The following SDK2 variants were observed in gnomAD, a reference collection of about 807,000 sequenced individuals.
SDK2 encodes the protein protein sidekick-2.
In SDK2, 105 loss-of-function variants were observed where a neutral mutation model predicts 253.9. The ratio of observed to expected loss-of-function variants is 0.41; its 90% CI spans 0.35 to 0.49. The LOEUF is 0.49. SDK2 is among the 20% of genes least tolerant of loss of function. The pLI is 0.06. For synonymous variants in SDK2, 1,249 were observed against 1,234.9 expected, an observed-to-expected ratio of 1.01 and a Z score of -0.24; for missense variants, 2,608 against 3,003.0, an observed-to-expected ratio of 0.87 and a Z score of 3.07.
rs1016428184 is a variant in SDK2 at position 73,447,327 on chromosome 17, C to T, written c.613+288G>A. On this transcript the variant is annotated intron_variant, in intron 5 of 44. Coordinates refer to ENST00000392650, the MANE Select transcript of SDK2 (RefSeq NM_001144952.2). The surrounding 1 kb of genome is among the most constrained non-coding windows in gnomAD (Gnocchi z 4.0). ...ACGCTCTTCCTCTGCCCCACCCCTC[C>T]CTGGGTCCCTGGTAGCCCTGCTAAC... 6.6e-6 allele frequency among the ~76,000 whole-genome samples: 1 copy of T among 152,196 alleles called. No individual in the cohort carries two copies. The highest frequency in any genetic ancestry group is 6.5e-5 in the Admixed American group (1 of 15,290).
chr17:73,433,971 G>C, intron 9 of SDK2, 123 bp from the exon 10 acceptor site: 1 of 645,774 alleles, frequency 1.5e-6, no homozygotes, highest in Non-Finnish European at 2.7e-6. Context: ...ATGGTGAGGG[G>C]CCCTCCACGA....
chr17:73,401,041 TG>T lies in SDK2; in HGVS notation c.2949del (p.Ile984SerfsTer26). On this transcript the variant is annotated frameshift_variant, in exon 21 of 45. Coordinates refer to ENST00000392650, the MANE Select transcript of SDK2 (RefSeq NM_001144952.2). LOFTEE classifies it high-confidence loss of function. ...TTACCTGGGGGCACCCCAGAGGAGATGGTGGAGGCGGACACTTGGCCCTGGC... is the reference window on the plus strand; with the variant it reads ...TTACCTGGGGGCACCCCAGAGGAGATGTGGAGGCGGACACTTGGCCCTGGC... The part of the protein sequence containing the change: ...SKGQGQVSAS[T>X]ISSGVPPELP... 6.3e-7 allele frequency: 1 copy of T among 1,577,006 alleles called. No individual in the cohort carries two copies. The highest frequency in any genetic ancestry group is 8.6e-7 in the Non-Finnish European group (1 of 1,161,270).
At position 73,383,915 on chromosome 17, in the gene SDK2, C is replaced by T; in HGVS notation, c.4666G>A (p.Gly1556Ser). The T allele has an allele frequency of 6.2e-7, 1 of 1,613,976 alleles. No individual in the cohort carries two copies. The highest frequency in any genetic ancestry group is 8.5e-7 in the Non-Finnish European group (1 of 1,179,898). The change falls in exon 33 of 45, where the codon GGC (glycine) becomes AGC (serine). Residue 1556 changes from glycine to serine, a missense_variant. By Grantham distance (56) the Gly-to-Ser change is moderately conservative. Transcript: ENST00000392650. This position sits in a 1 kb window ranked among gnomAD's most constrained non-coding sequence, Gnocchi z 4.3. ...CATGTGGCCCCTGGGTTGTTGATGC[C>T]TCGAAGCGTGAAGCCCCTCAGTCCT... ...YEGLRGFTLR[G>S]INNPGATWAE... is the part of the protein sequence containing the mutation.
intron 1 of SDK2, among the ~76,000 whole-genome samples, chr17:73,632,357 C>A (rs1969198998): frequency 6.6e-6 from 1 of 152,226 alleles, no homozygotes; most frequent in Non-Finnish European, 1.5e-5. Context: ...AAGAATTTGA[C>A]TTGCTGAGTC....
chr17:73,375,875 GA>G (rs1568371410), intron 36 of SDK2, among the ~76,000 whole-genome samples: 6 of 126,230 alleles, frequency 4.8e-5, no homozygotes, highest in African/African-American at 1.7e-4. Context: ...AAGAAAGAAA[GA>G]AATAAAATAA....
intron 2 of SDK2, among the ~76,000 whole-genome samples, chr17:73,495,196 C>G (rs1207434563): frequency 6.6e-6 from 1 of 152,166 alleles, no homozygotes; most frequent in African/African-American, 2.4e-5. Flanking sequence ...GGACCCTGAC[C>G]CCATGTGCCA....
chr17:73,406,209 G>C (rs1290245603), intron 18 of SDK2, among the ~76,000 whole-genome samples: 1 of 151,026 alleles, frequency 6.6e-6, no homozygotes, highest in African/African-American at 2.4e-5. Flanking sequence ...TGAATCCACA[G>C]ATGTGGAATC....
chr17:73,569,946 CT>C (rs2045361002), intron 1 of SDK2, among the ~76,000 whole-genome samples: 1 of 152,160 alleles, frequency 6.6e-6, no homozygotes, highest in South Asian at 2.1e-4. Context: ...CGAGGAGCCT[CT>C]CTGCAGCAGG....
intron 1 of SDK2, among the ~76,000 whole-genome samples, chr17:73,560,203 C>T (rs1243209889): frequency 6.6e-6 from 1 of 152,238 alleles, no homozygotes; most frequent in Non-Finnish European, 1.5e-5. Context: ...CCAAAAACCA[C>T]AATAAATGAC....
chr17:73,403,923 T>A (rs1599530543), intron 18 of SDK2, among the ~76,000 whole-genome samples: 2 of 152,380 alleles, frequency 1.3e-5, no homozygotes, highest in South Asian at 4.1e-4. Context: ...TTAATTAATG[T>A]ACATTCAAAT....
intron 18 of SDK2, among the ~76,000 whole-genome samples, chr17:73,411,906 G>A (rs1349506203): frequency 7.0e-6 from 1 of 143,090 alleles, no homozygotes; most frequent in East Asian, 2.3e-4. Flanking sequence ...CGAGTAGCTG[G>A]GACTACAGGC....
Position 73,575,536 on chromosome 17 carries a change from T to A in SDK2, c.65-67939A>T, listed in dbSNP as rs74538872. On this transcript the variant is annotated intron_variant, in intron 1 of 44. Coordinates refer to ENST00000392650, the MANE Select transcript of SDK2 (RefSeq NM_001144952.2). ...GCACTATCTCTTGCTAGCCATGACCTGGGGGCAAAACACGTAATCTCTCCG... is the reference window on the plus strand; with the variant it reads ...GCACTATCTCTTGCTAGCCATGACCAGGGGGCAAAACACGTAATCTCTCCG... Among the ~76,000 whole-genome samples the A allele has an allele frequency of 2.8e-3, 422 of 152,326 alleles. 1 individual carries two copies. The highest frequency in any genetic ancestry group is 4.6e-3 in the Non-Finnish European group (315 of 68,036).
intron 1 of SDK2, among the ~76,000 whole-genome samples, chr17:73,584,101 C>T (rs2045572371): frequency 6.6e-6 from 1 of 152,230 alleles, no homozygotes; most frequent in Non-Finnish European, 1.5e-5. Flanking sequence ...GGAGAGCATG[C>T]CTCCAGCTCC....
intron 1 of SDK2, among the ~76,000 whole-genome samples, chr17:73,515,142 G>A (rs916250710): frequency 2.0e-5 from 3 of 152,294 alleles, no homozygotes; most frequent in African/African-American, 4.8e-5. Context: ...ATTTTAATAG[G>A]AGAAAACCAA....
At chr17:73,593,605 G>A (rs1273753737) in intron 1 of SDK2, among the ~76,000 whole-genome samples, 1 of 152,212 alleles carries the variant, frequency 6.6e-6, no homozygotes, top group Admixed American at 6.5e-5. Flanking sequence ...GGTACCTCAA[G>A]CTGAACCCCT....
chr17:73,367,415 C>A (rs1313590171), intron 37 of SDK2, among the ~76,000 whole-genome samples: 2 of 152,188 alleles, frequency 1.3e-5, no homozygotes, highest in African/African-American at 4.8e-5. Flanking sequence ...CCTCTCCAGC[C>A]CCTAGGCCTT....
At chr17:73,419,636 G>A (rs1323193752) in intron 15 of SDK2, among the ~76,000 whole-genome samples, 12 of 150,982 alleles carry the variant, frequency 7.9e-5, no homozygotes, top group Non-Finnish European at 1.5e-5. Flanking sequence ...TTGGGAGGCT[G>A]AGGCAAGAGG....
chr17:73,642,806 T>A lies in SDK2; in HGVS notation c.64+1219A>T, dbSNP rs1420366883. On this transcript the variant is annotated intron_variant, in intron 1 of 44. Transcript: ENST00000392650. The surrounding 1 kb of genome is among the most constrained non-coding windows in gnomAD (Gnocchi z 4.7). ...AATTTCGAAGTGCTTTTATGTAAAT[T>A]ACCTCGTAAAATCCTCCCCTCAGCC... is the stretch of plus-strand genomic sequence containing the variant. Among the ~76,000 whole-genome samples the A allele has an allele frequency of 6.6e-6, 1 of 152,206 alleles. No individual in the cohort carries two copies. The highest frequency in any genetic ancestry group is 2.4e-5 in the African/African-American group (1 of 41,448).
chr17:73,508,846 C>T (rs1223024962), intron 1 of SDK2, among the ~76,000 whole-genome samples: 1 of 152,182 alleles, frequency 6.6e-6, no homozygotes, highest in Non-Finnish European at 1.5e-5. Context: ...GAAGAACCTG[C>T]AGATGCCCAG....
Sources: allele counts gnomAD v4.1 joint callset (sites outside exome capture counted in the v4.1 genomes callset), GRCh38; gene constraint gnomAD v4.1.1; non-coding constraint Gnocchi (gnomAD v3.1); transcripts MANE v1.5; gene names NCBI Gene and HGNC (gene_info 2026-07-23, HGNC 2026-07-21).